NUP85: variants seen among roughly 807,000 people sequenced by gnomAD.
NUP85 encodes the protein nucleoporin 85.
In NUP85, 23 loss-of-function variants were observed where a neutral mutation model predicts 92.8. The ratio of observed to expected loss-of-function variants is 0.25; its 90% CI spans 0.18 to 0.35. The LOEUF (loss-of-function observed/expected upper bound fraction) is 0.35, where lower values mean the gene tolerates loss of function less well. Among genes scored for constraint, NUP85 ranks in the 10% least tolerant of loss-of-function variants. The pLI, the probability that NUP85 is intolerant of heterozygous loss-of-function variation, is 1.00. For synonymous variants in NUP85, 314 were observed against 306.9 expected, an observed-to-expected ratio of 1.02 and a Z score of -0.24; for missense variants, 759 against 822.8, an observed-to-expected ratio of 0.92 and a Z score of 0.95.
At chr17:75,232,241 C>G (rs1351157101) in intron 14 of NUP85, 4 of 463,248 alleles carry the variant, frequency 8.6e-6, no homozygotes, top group East Asian at 4.2e-5. Context: ...ACACTTGATT[C>G]CACGAGGTCA....
At chr17:75,225,994 C>G (rs2075779651) in intron 10 of NUP85, 57 bp from the exon 11 acceptor site, 1 of 1,607,418 alleles carries the variant, frequency 6.2e-7, no homozygotes, top group South Asian at 1.1e-5. Context: ...GCAGCCCTGC[C>G]TGCCCCGAGT....
chr17:75,234,567 A>T (rs1598364907), intron 16 of NUP85, 70 bp from the exon 17 acceptor site: 4 of 1,531,880 alleles, frequency 2.6e-6, no homozygotes, highest in Non-Finnish European at 3.6e-6. Context: ...GGCCAGGGTG[A>T]CTTTTGTAGG....
intron 11 of NUP85, among the ~76,000 whole-genome samples, chr17:75,227,764 GGTAGCTAGGACTACAA>G (rs2075876915): frequency 6.6e-6 from 1 of 151,876 alleles, no homozygotes; most frequent in South Asian, 2.1e-4. Flanking sequence ...CAGCCTTCCA[GGTAGCTAGGACTACAA>G]GTGTGCGCCA....
intron 14 of NUP85, among the ~76,000 whole-genome samples, chr17:75,232,341 C>T (rs1025859267): frequency 1.3e-5 from 2 of 152,158 alleles, no homozygotes; most frequent in Admixed American, 6.5e-5. Flanking sequence ...GGAGGTGGCT[C>T]CAGAAAAGCA....
chr17:75,218,944 G>T (rs115979347), intron 7 of NUP85, among the ~76,000 whole-genome samples: 1 of 151,986 alleles, frequency 6.6e-6, no homozygotes, highest in Non-Finnish European at 1.5e-5. Context: ...AGGGGCTGGG[G>T]TGCATACAGG....
At chr17:75,220,463 G>C (rs2075565639) in intron 7 of NUP85, among the ~76,000 whole-genome samples, 1 of 150,932 alleles carries the variant, frequency 6.6e-6, no homozygotes, top group African/African-American at 2.4e-5. Flanking sequence ...GTGTTCCCCA[G>C]GCTGCAGTGC....
In NUP85 at chr17:75,233,746, A is replaced by C. The variant is rs549662184; in HGVS notation, c.1615+588A>C. ...CCCAAGTAGCTGGGACTACAGGCGCACGCCACCACACCCAGCTAATTTTTT... is the reference window on the plus strand; with the variant it reads ...CCCAAGTAGCTGGGACTACAGGCGCCCGCCACCACACCCAGCTAATTTTTT... On this transcript the variant is annotated intron_variant, in intron 16 of 18. Coordinates refer to ENST00000245544, the MANE Select transcript of NUP85 (RefSeq NM_024844.5). Among the ~76,000 whole-genome samples, 819 of 151,534 alleles carry C rather than the reference A, an allele frequency of 5.4e-3. 5 individuals carry two copies. The highest frequency in any genetic ancestry group is 8.1e-3 in the Non-Finnish European group (548 of 67,810).
In NUP85 at chr17:75,226,168, TCC is replaced by T. The variant is rs745571997; in HGVS notation, c.1094+13_1094+14del. 6.2e-7 allele frequency: 1 copy of T among 1,605,962 alleles called. No individual in the cohort carries two copies. Among genetic ancestry groups the T allele is most frequent in the South Asian group, 1.1e-5 (1 of 90,894 alleles). The stretch of plus-strand genomic sequence containing the variant: ...AATCAAAGAGTGCAGGTAGGATCTC[TCC>T]CACCCCCCACTGTAACCATTTTTAG... On this transcript the variant is annotated intron_variant, in intron 11 of 18. Transcript: ENST00000245544.
At chr17:75,209,766 T>A in intron 2 of NUP85, 57 bp from the exon 3 acceptor site, 1 of 1,445,598 alleles carries the variant, frequency 6.9e-7, no homozygotes. Flanking sequence ...TAGAGTAGAT[T>A]CACTTTTGGA....
At chr17:75,216,893 TATTG>T (rs372574197) in intron 6 of NUP85, among the ~76,000 whole-genome samples, 18 of 152,266 alleles carry the variant, frequency 1.2e-4, no homozygotes, top group African/African-American at 9.6e-5. Context: ...ATTTTATTTT[TATTG>T]ATTGATTGAG....
At chr17:75,221,569 G>A (rs143415538) in intron 7 of NUP85, among the ~76,000 whole-genome samples, 1 of 152,230 alleles carries the variant, frequency 6.6e-6, no homozygotes, top group Non-Finnish European at 1.5e-5. Context: ...GCTACTTAAC[G>A]GCCTTAAGGG....
At chr17:75,225,500 T>C in intron 9 of NUP85, 36 bp downstream of exon 9, 1 of 1,607,450 alleles carries the variant, frequency 6.2e-7, no homozygotes, top group Admixed American at 1.7e-5. Context: ...CCATGTTGGC[T>C]TCCTATGGGG....
intron 11 of NUP85, chr17:75,228,535 G>C: frequency 1.0e-6 from 1 of 985,418 alleles, no homozygotes; most frequent in Non-Finnish European, 1.2e-6. Flanking sequence ...TAGGAAGTGT[G>C]CCCTCCTGGC....
chr17:75,223,775 CATTTT>C (rs1472571237), intron 7 of NUP85, among the ~76,000 whole-genome samples: 1 of 152,126 alleles, frequency 6.6e-6, no homozygotes, highest in African/African-American at 2.4e-5. Context: ...TATATTATTT[CATTTT>C]AATTTTTTTC....
intron 8 of NUP85, 33 bp downstream of exon 8, chr17:75,225,270 C>T: frequency 6.2e-7 from 1 of 1,608,102 alleles, no homozygotes; most frequent in South Asian, 1.1e-5. Context: ...TGCTGGGTCA[C>T]AGGAGATGCG....
chr17:75,209,646 G>A (rs886499680), intron 2 of NUP85, among the ~76,000 whole-genome samples, 177 bp from the exon 3 acceptor site: 3 of 152,108 alleles, frequency 2.0e-5, no homozygotes, highest in African/African-American at 7.2e-5. Flanking sequence ...GTTTTGCTAT[G>A]TTGGCCAGCC....
chr17:75,207,807 G>A (rs1259547584), intron 1 of NUP85, among the ~76,000 whole-genome samples: 5 of 151,974 alleles, frequency 3.3e-5, no homozygotes, highest in Non-Finnish European at 7.4e-5. Context: ...GGCCAACATG[G>A]TGAAACCCCA....
chr17:75,225,929 T>C, intron 10 of NUP85, 100 bp downstream of exon 10: 3 of 1,594,374 alleles, frequency 1.9e-6, no homozygotes, highest in Non-Finnish European at 2.6e-6. Flanking sequence ...AGGAAGACCC[T>C]TTCCTTTGGC....
intron 3 of NUP85, 64 bp downstream of exon 3, chr17:75,210,049 T>C: frequency 6.0e-6 from 9 of 1,502,802 alleles, no homozygotes; most frequent in East Asian, 4.7e-5. Context: ...ATGAAGTACA[T>C]TGTTGTCTTT....
Sources: gnomAD v4.1 joint callset for allele counts (sites outside exome capture counted in the v4.1 genomes callset) on GRCh38, gnomAD v4.1.1 for gene constraint, MANE v1.5 for transcripts, NCBI Gene and HGNC (gene_info 2026-07-23, HGNC 2026-07-21) for gene names.